Variants in CADM1 observed in about 807,000 individuals in gnomAD.
CADM1 encodes TSLC-1.
CADM1 carries 15 observed loss-of-function variants against 53.1 expected under a neutral mutation model. That is an observed-to-expected ratio of 0.28 (90% CI 0.19 to 0.44). CADM1 has a LOEUF of 0.44. Ranked by LOEUF, CADM1 falls within the 20% of genes least tolerant of loss-of-function variation. CADM1 has a pLI of 1.00. For missense variants in CADM1, 434 were observed against 611.3 expected (o/e 0.71, Z 3.06); for synonymous variants, 281 against 243.0 (o/e 1.16, Z -1.45).
intron 1 of CADM1, among the ~76,000 whole-genome samples, chr11:115,449,975 T>A (rs1328329282): frequency 7.0e-6 from 1 of 143,092 alleles, no homozygotes; most frequent in South Asian, 2.1e-4. Context: ...AACCTGGCCA[T>A]TTTTTTTTTC....
intron 1 of CADM1, among the ~76,000 whole-genome samples, chr11:115,371,177 G>A (rs1473963738): frequency 6.6e-6 from 1 of 151,966 alleles, no homozygotes; most frequent in Admixed American, 6.6e-5. Context: ...TTATTTAAAA[G>A]ATATTTTAAA....
intron 11 of CADM1, among the ~76,000 whole-genome samples, chr11:115,177,909 A>G (rs1939113270): frequency 6.6e-6 from 1 of 152,134 alleles, no homozygotes; most frequent in African/African-American, 2.4e-5. Context: ...AAAACCCCGC[A>G]AGCTCATTGC....
rs539129240 is a variant in CADM1 at position 115,302,424 on chromosome 11, T to A, written c.125-62004A>T. 2.6e-5 allele frequency among the ~76,000 whole-genome samples: 4 copies of A among 152,184 alleles called. No homozygotes were observed. In the South Asian group the frequency reaches 6.2e-4, roughly 24 times the overall value. ...ATAGCAAGTGCATTTTTTAAACTGA[T>A]ATATCAAAGAAACTTGATGGGAGTT... On this transcript the variant is annotated intron_variant, in intron 1 of 11. Transcript: ENST00000331581.
At chr11:115,218,685 C>T (rs1345683391) in intron 5 of CADM1, among the ~76,000 whole-genome samples, 1 of 152,112 alleles carries the variant, frequency 6.6e-6, no homozygotes, top group Non-Finnish European at 1.5e-5. Flanking sequence ...GAGACAGCCC[C>T]ATAAGTGTAT....
intron 1 of CADM1, among the ~76,000 whole-genome samples, chr11:115,350,506 TTTC>T (rs1945702474): frequency 7.9e-6 from 1 of 127,388 alleles, no homozygotes; most frequent in African/African-American, 2.6e-5. Context: ...CCATTCTTTT[TTTC>T]TTTTTTTTTT....
chr11:115,250,247 CA>C (rs1459251693), intron 1 of CADM1, among the ~76,000 whole-genome samples: 1 of 152,184 alleles, frequency 6.6e-6, no homozygotes, highest in Non-Finnish European at 1.5e-5. Flanking sequence ...AATTTCTTTA[CA>C]ACCTCATCCT....
intron 3 of CADM1, among the ~76,000 whole-genome samples, chr11:115,237,456 T>A (rs1443137398): frequency 6.6e-6 from 1 of 152,218 alleles, no homozygotes; most frequent in Non-Finnish European, 1.5e-5. Flanking sequence ...CTTCTACAGC[T>A]GTGTTGAAGT....
rs12293040 is a variant in CADM1, at chr11:115,243,177, G to A, written c.125-2757C>T. ...TCATTCAGGTAAAATTTTTCCATCT[G>A]CAAATGTTTGCCCTTGCTGTGCTCT... is the stretch of plus-strand genomic sequence containing the variant. On this transcript the variant is annotated intron_variant, in intron 1 of 11. Transcript: ENST00000331581. Among the ~76,000 whole-genome samples the A allele has an allele frequency of 9.4e-3, 1,424 of 152,246 alleles. 22 individuals carry two copies. Among genetic ancestry groups the A allele is most frequent in the African/African-American group, 0.032 (1,342 of 41,534 alleles).
intron 1 of CADM1, among the ~76,000 whole-genome samples, chr11:115,271,277 T>G (rs962210869): frequency 1.3e-5 from 2 of 151,830 alleles, no homozygotes; most frequent in African/African-American, 2.4e-5. Flanking sequence ...TTGTTGTTGT[T>G]TTGTTGTTGT....
At chr11:115,295,083 A>G (rs1357442923) in intron 1 of CADM1, among the ~76,000 whole-genome samples, 1 of 152,132 alleles carries the variant, frequency 6.6e-6, no homozygotes, top group Non-Finnish European at 1.5e-5. Context: ...TCAATGACAC[A>G]GCAATGCTTA....
Position 115,214,677 on chromosome 11 carries a change from C to T in CADM1, c.925G>A (p.Gly309Ser). The T allele has an allele frequency of 6.2e-7, 1 of 1,614,004 alleles. No homozygotes were observed. The highest frequency in any genetic ancestry group is 8.5e-7 in the Non-Finnish European group (1 of 1,179,932). ...FINNLNKTDN[G>S]TYRCEASNIV... ...TTTGAAGCTTCACAGCGGTATGTAC[C>T]ATTATCTGTTTTGTTTAGGTTATTG... Residue 309 changes from glycine to serine, a missense_variant, in exon 7 of 12, where the codon GGT (glycine) becomes AGT (serine). By Grantham distance (56) the Gly-to-Ser change is moderately conservative (BLOSUM62 0). This residue lies in a region of CADM1 where 311 missense variants were observed against 435.1 expected (regional missense o/e 0.71). Coordinates refer to ENST00000331581, the MANE Select transcript of CADM1 (RefSeq NM_001301043.2).
intron 8 of CADM1, among the ~76,000 whole-genome samples, chr11:115,206,188 T>C (rs1940668784): frequency 6.6e-6 from 1 of 152,244 alleles, no homozygotes; most frequent in South Asian, 2.1e-4. Context: ...TTCTGTTGAA[T>C]ACGTATTGCT....
At chr11:115,359,387 T>C (rs986211600) in intron 1 of CADM1, among the ~76,000 whole-genome samples, 7 of 152,140 alleles carry the variant, frequency 4.6e-5, no homozygotes, top group African/African-American at 1.7e-4. Context: ...TGTATTAAGA[T>C]GAGATGATAT....
chr11:115,193,045 C>T (rs976574150), intron 9 of CADM1, among the ~76,000 whole-genome samples: 4 of 152,296 alleles, frequency 2.6e-5, no homozygotes, highest in Middle Eastern at 3.4e-3. Context: ...AAAGAATTTA[C>T]TGAAGCACTG....
chr11:115,431,999 C>T (rs1208537082), intron 1 of CADM1, among the ~76,000 whole-genome samples: 5 of 151,842 alleles, frequency 3.3e-5, no homozygotes, highest in Admixed American at 3.3e-4. Flanking sequence ...GACAGGAGGG[C>T]AGTGGCGTGA....
At chr11:115,414,200 T>C (rs989396674) in intron 1 of CADM1, among the ~76,000 whole-genome samples, 1 of 152,152 alleles carries the variant, frequency 6.6e-6, no homozygotes, top group African/African-American at 2.4e-5. Flanking sequence ...TTTATTTTCA[T>C]GAAAGTAGAT....
intron 1 of CADM1, among the ~76,000 whole-genome samples, chr11:115,318,304 T>C (rs924433184): frequency 6.6e-6 from 1 of 152,194 alleles, no homozygotes; most frequent in Non-Finnish European, 1.5e-5. Flanking sequence ...TACCTGTCCA[T>C]CTGTTGGCCT....
chr11:115,291,656 T>C (rs11215467), intron 1 of CADM1, among the ~76,000 whole-genome samples: 17,664 of 152,164 alleles, frequency 0.12, 1,151 homozygotes, highest in South Asian at 0.28. Flanking sequence ...ACTTCCATAA[T>C]ATTCCACTGC....
chr11:115,504,273 G>A lies in CADM1; in HGVS notation c.122C>T (p.Thr41Ile). The change falls in exon 1 of 12, where the codon ACA becomes ATA. Residue 41 changes from threonine to isoleucine, a missense_variant and splice_region_variant. This residue lies in a region of CADM1 where 76 missense variants were observed against 59.8 expected (regional missense o/e 1.27). Coordinates refer to ENST00000331581, the MANE Select transcript of CADM1 (RefSeq NM_001301043.2). ...LLFSAAALIP[T>I]GDGQNLFTKD... Reference sequence around the variant, plus strand: ...AACCGGTCGGTGCCCACACCTACCTGTGGGGATCAGTGCCGCGGCGGAGAA... The same window carrying A: ...AACCGGTCGGTGCCCACACCTACCTATGGGGATCAGTGCCGCGGCGGAGAA... 2 of 1,572,462 alleles carry A rather than the reference G, an allele frequency of 1.3e-6. No homozygotes were observed. Among genetic ancestry groups the A allele is most frequent in the Non-Finnish European group, 1.7e-6 (2 of 1,159,532 alleles).
Sources: gnomAD v4.1 joint callset for allele counts (sites outside exome capture counted in the v4.1 genomes callset) on GRCh38, gnomAD v4.1.1 for gene constraint, gnomAD v4.1.1 regional missense constraint, MANE v1.5 for transcripts, NCBI Gene and HGNC (gene_info 2026-07-23, HGNC 2026-07-21) for gene names.